Variants in DNAH12 observed in about 807,000 individuals in gnomAD.
DNAH12 encodes the protein dynein axonemal heavy chain 12.
A neutral mutation model predicts 371.5 loss-of-function variants in DNAH12; 285 were observed. The ratio of observed to expected loss-of-function variants is 0.77; its 90% CI spans 0.70 to 0.85. DNAH12 has a LOEUF of 0.85. DNAH12 is among the 40% of genes least tolerant of loss of function. DNAH12 has a pLI of 0.00. For synonymous variants in DNAH12, 1,200 were observed against 1,213.0 expected, an observed-to-expected ratio of 0.99 and a Z score of 0.22; for missense variants, 3,611 against 3,689.4, an observed-to-expected ratio of 0.98 and a Z score of 0.55.
At chr3:57,405,618 C>CT (rs1553680830) in intron 41 of DNAH12, 35 bp downstream of exon 41, 2 of 1,533,946 alleles carry the variant, frequency 1.3e-6, no homozygotes, top group South Asian at 1.2e-5. Flanking sequence ...TATGGTACTG[C>CT]TTTAACTCAA....
intron 39 of DNAH12, among the ~76,000 whole-genome samples, chr3:57,412,952 G>A (rs142496363): frequency 0.011 from 1,617 of 152,258 alleles, 28 homozygotes; most frequent in African/African-American, 0.036. Context: ...ACTCAAAGAA[G>A]TTGACAACTT....
intron 67 of DNAH12, 125 bp downstream of exon 67, chr3:57,310,592 G>T: frequency 2.8e-6 from 2 of 711,644 alleles, no homozygotes; most frequent in Non-Finnish European, 2.3e-6. Flanking sequence ...ACTAGAAAAA[G>T]ATTATTAAAA....
intron 2 of DNAH12, among the ~76,000 whole-genome samples, chr3:57,534,050 C>A (rs2068941991): frequency 6.6e-6 from 1 of 152,168 alleles, no homozygotes; most frequent in Non-Finnish European, 1.5e-5. Flanking sequence ...CTGGGATGTG[C>A]GATTCCCCTC....
intron 48 of DNAH12, 29 bp downstream of exon 48, chr3:57,385,320 T>C (rs2063479503): frequency 6.6e-6 from 1 of 152,222 alleles, no homozygotes; most frequent in Non-Finnish European, 1.5e-5. Context: ...AATTGTCCTT[T>C]GACATCAAAA....
At chr3:57,315,666 T>G (rs1371743233) in intron 65 of DNAH12, among the ~76,000 whole-genome samples, 3 of 151,724 alleles carry the variant, frequency 2.0e-5, no homozygotes, top group Non-Finnish European at 2.9e-5. Context: ...ATGGGAGAAG[T>G]GATCCCAGGA....
chr3:57,296,804 CTT>C (rs150647472), intron 71 of DNAH12, 41 bp downstream of exon 71: 79,918 of 1,537,600 alleles, frequency 0.052, 2,290 homozygotes, highest in South Asian at 0.057. Context: ...AAATACATGA[CTT>C]AATGTAATGA....
Position 57,409,292 on chromosome 3 carries a change from C to T in DNAH12, c.6021-757G>A, listed in dbSNP as rs114144395. On this transcript the variant is annotated intron_variant, in intron 39 of 73. Transcript: ENST00000495027. ...TACATACAGAGGCTGGGGTAGGAGT[C>T]TATCTAGCCAGTCCTTAGACTAAAA... is the stretch of plus-strand genomic sequence containing the variant. Among the ~76,000 whole-genome samples the T allele has an allele frequency of 7.7e-3, 1,169 of 152,250 alleles. 11 individuals are homozygous for T. Among genetic ancestry groups the T allele is most frequent in the Non-Finnish European group, 0.012 (783 of 68,006 alleles).
chr3:57,299,171 C>G (rs1026069107), intron 70 of DNAH12, among the ~76,000 whole-genome samples: 3 of 152,158 alleles, frequency 2.0e-5, no homozygotes, highest in Non-Finnish European at 2.9e-5. Flanking sequence ...GCTGTAAAGA[C>G]CCACAAGGCA....
chr3:57,451,670 T>C (rs779685191), intron 25 of DNAH12, among the ~76,000 whole-genome samples: 17 of 151,986 alleles, frequency 1.1e-4, no homozygotes, highest in Non-Finnish European at 2.2e-4. Context: ...AAAATTCTGT[T>C]ACAGTGGGTA....
intron 60 of DNAH12, among the ~76,000 whole-genome samples, chr3:57,347,370 T>C (rs1553658407): frequency 6.6e-6 from 1 of 152,134 alleles, no homozygotes. Context: ...TAATTCATCA[T>C]AGCAAGAGAG....
At chr3:57,297,659 A>G (rs2061261244) in intron 70 of DNAH12, among the ~76,000 whole-genome samples, 1 of 151,858 alleles carries the variant, frequency 6.6e-6, no homozygotes, top group African/African-American at 2.4e-5. Context: ...CCCGGCCCCC[A>G]GTTCCTTAAC....
At chr3:57,424,467 T>C (rs2064694100) in intron 35 of DNAH12, among the ~76,000 whole-genome samples, 3 of 64,226 alleles carry the variant, frequency 4.7e-5, no homozygotes, top group African/African-American at 2.0e-4. Flanking sequence ...CAAGATTCCA[T>C]CTCAAAAAAA....
At chr3:57,448,866 GAGCTAAACACAGGGTGCTGATTGGT>G (rs2065641137) in intron 25 of DNAH12, among the ~76,000 whole-genome samples, 1 of 147,776 alleles carries the variant, frequency 6.8e-6, no homozygotes, top group African/African-American at 2.5e-5. Context: ...CACAAACCTT[GAGCTAAACACAGGGTGCTGATTGGT>G]GTGTTTACAA....
chr3:57,390,742 G>A (rs2063606139), intron 45 of DNAH12, among the ~76,000 whole-genome samples: 1 of 150,906 alleles, frequency 6.6e-6, no homozygotes, highest in Non-Finnish European at 1.5e-5. Flanking sequence ...TTCATCATTT[G>A]CTTCCAGCAT....
chr3:57,339,643 GAACT>G (rs1388030324), intron 60 of DNAH12, among the ~76,000 whole-genome samples: 1 of 151,902 alleles, frequency 6.6e-6, no homozygotes, highest in Admixed American at 6.6e-5. Flanking sequence ...TGTTTCAATT[GAACT>G]AATATTAAGT....
In DNAH12 at chr3:57,323,393, T is replaced by A. The variant is rs1241251982; in HGVS notation, c.10129+76A>T. On this transcript the variant is annotated intron_variant, in intron 63 of 73. Coordinates refer to ENST00000495027, the MANE Select transcript of DNAH12 (RefSeq NM_001366028.2). ...AATATCAGATTTACTAACTGATTTA[T>A]AATCATATAAGGAATCAGTATTGAG... 2.7e-6 allele frequency: 4 copies of A among 1,475,170 alleles called. No individual in the cohort carries two copies. The East Asian group carries it at 9.9e-5, about 36-fold the overall frequency. 91.4% of individuals were successfully genotyped at this position (1,475,170 alleles called of 1,614,324 possible). A position where few individuals can be genotyped will look rare whatever the true frequency, so the allele number is the denominator to read the frequency against.
chr3:57,334,971 ATTG>A (rs1427417045), intron 60 of DNAH12, 31 bp from the exon 61 acceptor site: 2 of 1,521,922 alleles, frequency 1.3e-6, no homozygotes, highest in East Asian at 4.9e-5. Flanking sequence ...CTGTTATATA[ATTG>A]TTGATTTTAA....
chr3:57,351,833 C>G (rs1180663975), intron 60 of DNAH12, among the ~76,000 whole-genome samples: 1 of 152,046 alleles, frequency 6.6e-6, no homozygotes, highest in Non-Finnish European at 1.5e-5. Flanking sequence ...TATTTCGTCA[C>G]CAGATCCTCC....
At chr3:57,315,373 C>T (rs903536117) in intron 65 of DNAH12, among the ~76,000 whole-genome samples, 3 of 150,566 alleles carry the variant, frequency 2.0e-5, no homozygotes, top group Admixed American at 6.7e-5. Context: ...TGAGTAGATA[C>T]GTTTTTGAAA....
Sources: gnomAD v4.1 joint callset for allele counts (sites outside exome capture counted in the v4.1 genomes callset) on GRCh38, gnomAD v4.1.1 for gene constraint, MANE v1.5 for transcripts, NCBI Gene and HGNC (gene_info 2026-07-23, HGNC 2026-07-21) for gene names.